The following NUDC variants were observed in gnomAD, a reference collection of about 807,000 sequenced individuals.
The protein encoded by NUDC is nuclear distribution C, dynein complex regulator.
Under a neutral mutation model 45.0 loss-of-function variants are expected in NUDC, and 14 were observed. The observed-to-expected ratio is 0.31, with a 90% CI of 0.21 to 0.49. The LOEUF is 0.49. Among genes scored for constraint, NUDC ranks in the 20% least tolerant of loss-of-function variants. NUDC has a pLI of 0.99. For missense variants in NUDC, 323 were observed against 426.2 expected, an observed-to-expected ratio of 0.76 and a Z score of 2.13; for synonymous variants, 153 against 156.7, an observed-to-expected ratio of 0.98 and a Z score of 0.17.
intron 1 of NUDC, among the ~76,000 whole-genome samples, chr1:26,923,268 C>T (rs2082105574): frequency 6.6e-6 from 1 of 152,172 alleles, no homozygotes; most frequent in Admixed American, 6.5e-5. Context: ...CCTCATGATC[C>T]TCACCAGGTC....
exon 1 of NUDC, chr1:26,900,386 ACC>A (rs1278199388): frequency 6.2e-7 from 1 of 1,613,908 alleles, no homozygotes. Context: ...CGGAGGGGAT[ACC>A]GCTCACTACC....
Position 26,909,211 on chromosome 1 carries a change from G to T in NUDC, c.-15-1917G>T, listed in dbSNP as rs370780712. 1.4e-3 allele frequency among the ~76,000 whole-genome samples: 220 copies of T among 152,254 alleles called. 1 individual carries two copies. The highest frequency in any genetic ancestry group is 5.0e-3 in the African/African-American group (209 of 41,536). On this transcript the variant is annotated intron_variant, in intron 2 of 6. Coordinates refer to the NUDC transcript ENST00000435827. ...GCTCGTCTTGAACTCCTAACCTCAGGTGATCCGCCTGGCTTGGCCTCCAAA... is the reference window on the plus strand; with the variant it reads ...GCTCGTCTTGAACTCCTAACCTCAGTTGATCCGCCTGGCTTGGCCTCCAAA...
At chr1:26,933,498 C>G (rs563298286) in intron 2 of NUDC, among the ~76,000 whole-genome samples, 4 of 152,158 alleles carry the variant, frequency 2.6e-5, no homozygotes, top group Admixed American at 2.0e-4. Context: ...ACTGCAACCT[C>G]TGCCTCCTGG....
At chr1:26,926,239 C>G (rs2082131893) in intron 2 of NUDC, among the ~76,000 whole-genome samples, 2 of 152,138 alleles carry the variant, frequency 1.3e-5, no homozygotes, top group African/African-American at 4.8e-5. Context: ...CGTAGACGTT[C>G]TTTGCAAACC....
intron 3 of NUDC, chr1:26,912,178 A>C: frequency 1.3e-6 from 2 of 1,505,392 alleles, no homozygotes; most frequent in Non-Finnish European, 9.1e-7. Context: ...CATCAGAGAC[A>C]CCCCTCTGCC....
intron 1 of NUDC, among the ~76,000 whole-genome samples, chr1:26,900,700 T>A (rs1399212434): frequency 6.6e-6 from 1 of 152,150 alleles, no homozygotes; most frequent in Non-Finnish European, 1.5e-5. Flanking sequence ...ATAAGAAGCC[T>A]GCGGGAGGGG....
At chr1:26,917,845 C>T (rs2082069189), upstream of NUDC, among the ~76,000 whole-genome samples, 1 of 151,422 alleles carries the variant, frequency 6.6e-6, no homozygotes, top group African/African-American at 2.4e-5. Context: ...AAGATCCCAC[C>T]ACTGCACTCC....
In NUDC at chr1:26,921,772, C is replaced by A; in HGVS notation, c.-77C>A. On this transcript the variant is annotated 5_prime_UTR_variant, in exon 1 of 9. Coordinates refer to ENST00000321265, the MANE Select transcript of NUDC (RefSeq NM_006600.4). The stretch of plus-strand genomic sequence containing the variant: ...AAGGCGGACGACTAGAGTCGTTGGG[C>A]CCGGCGCGACCCGCAGGAGCGTAGA... 1 of 1,470,546 alleles carries A rather than the reference C, an allele frequency of 6.8e-7. No individual in the cohort carries two copies. 91.1% of individuals were successfully genotyped at this position (1,470,546 alleles called of 1,614,324 possible). A position where few individuals can be genotyped will look rare whatever the true frequency, so the allele number is the denominator to read the frequency against.
intron 2 of NUDC, among the ~76,000 whole-genome samples, chr1:26,928,246 AT>A (rs1024445929): frequency 3.9e-5 from 6 of 152,104 alleles, no homozygotes; most frequent in African/African-American, 9.6e-5. Flanking sequence ...TGCTACATGA[AT>A]TTTTTTTGGT....
chr1:26,903,592 G>T (rs912476741), intron 2 of NUDC, among the ~76,000 whole-genome samples: 2 of 152,158 alleles, frequency 1.3e-5, no homozygotes, highest in African/African-American at 4.8e-5. Flanking sequence ...ACATGGCCAG[G>T]CATGGTGGCT....
At chr1:26,943,384 T>C (rs560008231) in intron 6 of NUDC, among the ~76,000 whole-genome samples, 37 of 151,602 alleles carry the variant, frequency 2.4e-4, no homozygotes, top group East Asian at 1.9e-3. Flanking sequence ...ATTTTTGTTA[T>C]TAAATTTTTT....
chr1:26,941,751 A>G lies in NUDC; in HGVS notation c.364-2A>G. 6.2e-7 allele frequency: 1 copy of G among 1,614,162 alleles called. No individual in the cohort carries two copies. Among genetic ancestry groups the G allele is most frequent in the East Asian group, 2.2e-5 (1 of 44,888 alleles). ...TGCCAACTGCTGTGCTCTTTGCCCC[A>G]GAAAAAGGATGCAGAGAATCATGAG... On this transcript the variant is annotated splice_acceptor_variant, in intron 3 of 8. Coordinates refer to ENST00000321265, the MANE Select transcript of NUDC (RefSeq NM_006600.4). LOFTEE classifies it high-confidence loss of function.
chr1:26,902,163 A>G (rs1307699713), intron 1 of NUDC: 2 of 152,182 alleles, frequency 1.3e-5, no homozygotes, highest in Admixed American at 1.3e-4. Flanking sequence ...TGGTTCACCA[A>G]TGACAAAGCC....
At chr1:26,944,364 A>G (rs576714320) in intron 6 of NUDC, among the ~76,000 whole-genome samples, 8 of 152,132 alleles carry the variant, frequency 5.3e-5, no homozygotes, top group African/African-American at 1.9e-4. Flanking sequence ...CTACCTGGCT[A>G]ATTTTTAAAT....
intron 6 of NUDC, 21 bp from the exon 7 acceptor site, chr1:26,945,369 C>T (rs988541741): frequency 6.2e-7 from 1 of 1,610,534 alleles, no homozygotes; most frequent in Admixed American, 1.7e-5. Flanking sequence ...ACCTCCCACC[C>T]TCTGGTTGTT....
intron 3 of NUDC, among the ~76,000 whole-genome samples, chr1:26,915,054 C>CATATATATATATATATATATATATAT (rs1476735799): frequency 1.5e-5 from 2 of 132,738 alleles, no homozygotes; most frequent in African/African-American, 5.6e-5. Flanking sequence ...CACATACATA[C>CATATATATATATATATATATATATAT]ATACATATAT....
chr1:26,919,578 T>C (rs1434445863), upstream of NUDC, among the ~76,000 whole-genome samples: 4 of 152,186 alleles, frequency 2.6e-5, no homozygotes, highest in South Asian at 2.1e-4. Flanking sequence ...GCAAGGGTCA[T>C]GAGGTACAGC....
At chr1:26,928,718 A>G (rs146906749) in intron 2 of NUDC, among the ~76,000 whole-genome samples, 1 of 152,276 alleles carries the variant, frequency 6.6e-6, no homozygotes, top group East Asian at 1.9e-4. Context: ...CCACAATGAG[A>G]TACTATTTCA....
In NUDC at chr1:26,943,019, C is replaced by T. The variant is rs781397057; in HGVS notation, c.695C>T (p.Ser232Leu). The T allele has an allele frequency of 1.1e-5, 18 of 1,613,918 alleles. No homozygotes were observed. The Admixed American group carries it at 1.7e-4, about 15-fold the overall frequency. Residue 232 changes from serine to leucine, a missense_variant, in exon 6 of 9, where the codon TCG becomes TTG. Coordinates refer to ENST00000321265, the MANE Select transcript of NUDC (RefSeq NM_006600.4). ...LYNEVKVEES[S>L]WLIEDGKVVT... The stretch of plus-strand genomic sequence containing the variant: ...AATGAAGTGAAGGTGGAGGAGAGCT[C>T]GTGGCTCATTGAGGACGGCAAGGTG...
Sources: gnomAD v4.1 joint callset for allele counts (sites outside exome capture counted in the v4.1 genomes callset) on GRCh38, gnomAD v4.1.1 for gene constraint, MANE v1.5 for transcripts, NCBI Gene and HGNC (gene_info 2026-07-23, HGNC 2026-07-21) for gene names.